Variants in PC observed in about 807,000 individuals in gnomAD.
PC encodes the protein pyruvate carboxylase.
Under a neutral mutation model 107.8 loss-of-function variants are expected in PC, and 46 were observed. That is an observed-to-expected ratio of 0.43 (90% CI 0.34 to 0.55). The LOEUF (loss-of-function observed/expected upper bound fraction) is 0.55. Among genes scored for constraint, PC ranks in the 20% least tolerant of loss-of-function variants. The pLI is 0.04. For synonymous variants in PC, 662 were observed against 684.7 expected, an observed-to-expected ratio of 0.97 and a Z score of 0.52; for missense variants, 1,241 against 1,643.1, an observed-to-expected ratio of 0.76 and a Z score of 4.23.
At position 66,851,052 on chromosome 11, in the gene PC, G is replaced by A. The variant is rs762599900; in HGVS notation, c.2211C>T (p.Ile737=). The A allele has an allele frequency of 2.5e-6, 4 of 1,612,992 alleles. No individual in the cohort carries two copies. In the Admixed American group the frequency reaches 5.0e-5, roughly 20 times the overall value. The part of the protein sequence containing the change: ...AEELVRAGTH[I]LCIKDMAGLL... Reference sequence around the variant, plus strand: ...GTGGCCCAGGCACCTTGATGCACAGGATGTGGGTGCCAGCTCGCACCAGCT... The same window carrying A: ...GTGGCCCAGGCACCTTGATGCACAGAATGTGGGTGCCAGCTCGCACCAGCT... The change falls in exon 17 of 23, where the codon ATC becomes ATT. Residue 737 remains isoleucine, a synonymous_variant. Transcript: ENST00000393960.
At chr11:66,940,257 C>T (rs1457090634) in intron 3 of PC, among the ~76,000 whole-genome samples, 1 of 148,030 alleles carries the variant, frequency 6.8e-6, no homozygotes, top group Non-Finnish European at 1.5e-5. Flanking sequence ...GGAATGCAGT[C>T]GTACAATCTC....
At position 66,944,072 on chromosome 11, in the gene PC, G is replaced by C. The variant is rs541697212; in HGVS notation, c.-1+8358C>G. Among the ~76,000 whole-genome samples, 3 of 119,212 alleles carry C rather than the reference G, an allele frequency of 2.5e-5. No homozygotes were observed. The East Asian group carries it at 7.8e-4, about 31-fold the overall frequency. The allele number at this position is 119,212 out of a possible 152,430, so 78.2% of individuals were successfully genotyped here. A position where few individuals can be genotyped will look rare whatever the true frequency, so the allele number is the denominator to read the frequency against. The stretch of plus-strand genomic sequence containing the variant: ...CGAGGCGGGCGGAACACAAGGTCAG[G>C]AGATCGAGACCATCCTGGCTAACAC... On this transcript the variant is annotated intron_variant, in intron 3 of 22. Coordinates refer to ENST00000393960, the MANE Select transcript of PC (RefSeq NM_001040716.2).
chr11:66,857,471 GTCC>G lies in PC; in HGVS notation c.1369-4091_1369-4089del. On this transcript the variant is annotated intron_variant, in intron 12 of 22. Transcript: ENST00000393960. This position sits in a 1 kb window ranked among gnomAD's most constrained non-coding sequence, Gnocchi z 7.1. ...AGTTCCGGGACCCTCCCTGCTCTCG[GTCC>G]TCCTCCGCTTCCTGCCTCATGCCTC... is the stretch of plus-strand genomic sequence containing the variant. 2 of 431,926 alleles carry G rather than the reference GTCC, an allele frequency of 4.6e-6. No individual in the cohort carries two copies. The highest frequency in any genetic ancestry group is 8.2e-6 in the Non-Finnish European group (2 of 244,712). 26.8% of individuals were successfully genotyped at this position (431,926 alleles called of 1,614,324 possible). A position where few individuals can be genotyped will look rare whatever the true frequency, so the allele number is the denominator to read the frequency against.
intron 3 of PC, among the ~76,000 whole-genome samples, chr11:66,939,837 G>GA (rs1949085487): frequency 1.1e-5 from 1 of 89,636 alleles, no homozygotes; most frequent in Non-Finnish European, 2.4e-5. Context: ...CCAAAAACAA[G>GA]AAAAAACAAA....
At position 66,851,120 on chromosome 11, in the gene PC, G is replaced by A. The variant is rs1945464671; in HGVS notation, c.2143C>T (p.Arg715Cys). The A allele has an allele frequency of 1.9e-6, 3 of 1,612,938 alleles. No homozygotes were observed. Among genetic ancestry groups the A allele is most frequent in the South Asian group, 1.1e-5 (1 of 91,086 alleles). ...SYTGDVADPS[R>C]TKYSLQYYMG... ...TAGTACTGCAGTGAGTACTTGGTGCGGCTGGGGTCGGCCACGTCGCCCGTG... is the reference window on the plus strand; with the variant it reads ...TAGTACTGCAGTGAGTACTTGGTGCAGCTGGGGTCGGCCACGTCGCCCGTG... The change falls in exon 17 of 23, where the codon CGC becomes TGC. Residue 715 changes from arginine (R) to cysteine (C), a missense_variant. Physicochemically the swap from Arg to Cys is radical, Grantham distance 180. Around this residue, in one of 2 missense-constraint regions of PC, gnomAD observed 1,143 missense variants for 1,551.9 expected, o/e 0.74. Transcript: ENST00000393960.
chr11:66,923,884 C>CAAAA (rs71045969), intron 3 of PC, among the ~76,000 whole-genome samples: 1 of 111,018 alleles, frequency 9.0e-6, no homozygotes, highest in Non-Finnish European at 1.8e-5. Context: ...GACCTCAAGG[C>CAAAA]AAAAAAAAAA....
chr11:66,908,081 C>G (rs1041336282), intron 3 of PC, among the ~76,000 whole-genome samples: 1 of 152,028 alleles, frequency 6.6e-6, no homozygotes, highest in African/African-American at 2.4e-5. Flanking sequence ...GCTGGAAGAG[C>G]GGCGGTCAAA....
At chr11:66,922,779 T>C (rs1948625224) in intron 3 of PC, among the ~76,000 whole-genome samples, 1 of 152,166 alleles carries the variant, frequency 6.6e-6, no homozygotes, top group Non-Finnish European at 1.5e-5. Context: ...TCTGCATCAC[T>C]GAGATGGCTC....
chr11:66,881,804 A>G (rs1362759745), intron 3 of PC, among the ~76,000 whole-genome samples: 3 of 152,212 alleles, frequency 2.0e-5, no homozygotes, highest in Non-Finnish European at 2.9e-5. Context: ...CACCCAGGCC[A>G]CCAGCAGAGC....
intron 3 of PC, among the ~76,000 whole-genome samples, chr11:66,892,681 C>G (rs563189064): frequency 2.0e-3 from 305 of 152,168 alleles, no homozygotes; most frequent in Non-Finnish European, 3.7e-3. Flanking sequence ...CCCGTCTCTA[C>G]TAAAAATACA....
intron 3 of PC, among the ~76,000 whole-genome samples, chr11:66,895,668 G>A (rs1947732935): frequency 6.6e-6 from 1 of 151,914 alleles, no homozygotes; most frequent in African/African-American, 2.4e-5. Flanking sequence ...AAATCTTCTA[G>A]AAACTGAAGA....
chr11:66,949,334 A>C (rs1949383255), intron 3 of PC, among the ~76,000 whole-genome samples: 1 of 152,034 alleles, frequency 6.6e-6, no homozygotes, highest in African/African-American at 2.4e-5. Context: ...GTTGAATATG[A>C]TTTATAAGTT....
chr11:66,915,216 G>A (rs1948437179), intron 3 of PC, among the ~76,000 whole-genome samples: 1 of 152,158 alleles, frequency 6.6e-6, no homozygotes, highest in African/African-American at 2.4e-5. Context: ...GAGCACGGTG[G>A]AGTCTCTGAA....
chr11:66,894,910 T>C (rs963344267), intron 3 of PC, among the ~76,000 whole-genome samples: 14 of 151,406 alleles, frequency 9.2e-5, no homozygotes, highest in Non-Finnish European at 2.1e-4. Flanking sequence ...TAGTCCCAGC[T>C]ACTCAGGACG....
intron 2 of PC, among the ~76,000 whole-genome samples, 200 bp downstream of exon 2, chr11:66,954,049 A>G (rs1415139740): frequency 6.6e-6 from 1 of 152,244 alleles, no homozygotes; most frequent in Non-Finnish European, 1.5e-5. Flanking sequence ...AAGAGAGCCC[A>G]GTCCAACTGA....
intron 3 of PC, among the ~76,000 whole-genome samples, chr11:66,877,731 G>A (rs1408936042): frequency 6.6e-6 from 1 of 152,230 alleles, no homozygotes; most frequent in African/African-American, 2.4e-5. Flanking sequence ...CAGACATTAT[G>A]TAACCATTAA....
At chr11:66,910,884 C>T (rs1463028599) in intron 3 of PC, among the ~76,000 whole-genome samples, 2 of 152,184 alleles carry the variant, frequency 1.3e-5, no homozygotes, top group Non-Finnish European at 2.9e-5. Context: ...GTTGTCCCCT[C>T]CCAGCACTGC....
intron 18 of PC, 84 bp from the exon 19 acceptor site, chr11:66,850,548 C>T: frequency 1.2e-6 from 2 of 1,608,122 alleles, no homozygotes; most frequent in Non-Finnish European, 1.7e-6. Context: ...CCATGTCTGA[C>T]TCAGGTGACA....
intron 3 of PC, among the ~76,000 whole-genome samples, chr11:66,933,847 G>A (rs368941063): frequency 6.6e-6 from 1 of 152,236 alleles, no homozygotes; most frequent in East Asian, 1.9e-4. Flanking sequence ...TCACCTCTGG[G>A]TAGTCCTGGC....
Sources: gnomAD v4.1 joint callset for allele counts (sites outside exome capture counted in the v4.1 genomes callset) on GRCh38, gnomAD v4.1.1 for gene constraint, gnomAD v4.1.1 regional missense constraint, Gnocchi (gnomAD v3.1) non-coding constraint, MANE v1.5 for transcripts, NCBI Gene and HGNC (gene_info 2026-07-23, HGNC 2026-07-21) for gene names.